Variants in WDR27 observed in about 807,000 individuals in gnomAD.
WDR27 encodes the protein WD repeat-containing protein 27.
In WDR27, 100 loss-of-function variants were observed where a neutral mutation model predicts 114.4. The ratio of observed to expected loss-of-function variants is 0.87; its 90% CI spans 0.74 to 1.03. WDR27 has a LOEUF of 1.03. Ranked by LOEUF, WDR27 falls within the 50% of genes least tolerant of loss-of-function variation. The pLI is 0.00. For missense variants in WDR27, 1,129 were observed against 1,092.9 expected, an observed-to-expected ratio of 1.03 and a Z score of -0.47; for synonymous variants, 449 against 423.1, an observed-to-expected ratio of 1.06 and a Z score of -0.75.
chr6:169,582,421 T>A (rs1163194461), intron 24 of WDR27, among the ~76,000 whole-genome samples: 1 of 152,216 alleles, frequency 6.6e-6, no homozygotes, highest in Non-Finnish European at 1.5e-5. Context: ...GCAGACTTTT[T>A]TCCATAAGAA....
chr6:169,590,854 G>C lies in WDR27; in HGVS notation c.2425-7920C>G, dbSNP rs114320620. On this transcript the variant is annotated intron_variant, in intron 23 of 25. Transcript: ENST00000448612. Reference sequence around the variant, plus strand: ...GGCCTGGGATAATATGCCATTCTGTGTCTACGCTCCATGTTCCTTATCCAT... The same window carrying C: ...GGCCTGGGATAATATGCCATTCTGTCTCTACGCTCCATGTTCCTTATCCAT... Among the ~76,000 whole-genome samples, 905 of 152,290 alleles carry C rather than the reference G, an allele frequency of 5.9e-3. 9 individuals are homozygous for C. The highest frequency in any genetic ancestry group is 0.02 in the African/African-American group (846 of 41,542).
intron 25 of WDR27, among the ~76,000 whole-genome samples, chr6:169,562,217 G>A (rs73790007): frequency 0.016 from 2,497 of 152,210 alleles, 62 homozygotes; most frequent in African/African-American, 0.057. Context: ...CGGGTACTGC[G>A]CCGCCAACAG....
intron 18 of WDR27, among the ~76,000 whole-genome samples, chr6:169,637,411 T>G (rs1455262147): frequency 6.6e-6 from 1 of 152,274 alleles, no homozygotes; most frequent in Non-Finnish European, 1.5e-5. Context: ...CATATGAATG[T>G]ATGCATGCAT....
In WDR27 at chr6:169,542,501, A is replaced by C. The variant is rs188643534; in HGVS notation, c.2645+29918T>G. On this transcript the variant is annotated intron_variant, in intron 25 of 25. Coordinates refer to ENST00000448612, the MANE Select transcript of WDR27 (RefSeq NM_182552.5). ...GGTCAAGAAAGACAGAAAGGCTTAG[A>C]ATTTATTCCAAGAGACTAAGACAAA... is the stretch of plus-strand genomic sequence containing the variant. 8.5e-4 allele frequency among the ~76,000 whole-genome samples: 130 copies of C among 152,292 alleles called. 1 individual carries two copies. The highest frequency in any genetic ancestry group is 2.9e-3 in the African/African-American group (119 of 41,580).
At chr6:169,452,345 C>T (rs1784183698), downstream of WDR27, among the ~76,000 whole-genome samples, 1 of 152,206 alleles carries the variant, frequency 6.6e-6, no homozygotes, top group South Asian at 2.1e-4. Context: ...TGGAAACGTC[C>T]GTGTTTTCTT....
chr6:169,510,551 T>C (rs140749251), intron 25 of WDR27, among the ~76,000 whole-genome samples: 2,664 of 147,536 alleles, frequency 0.018, 67 homozygotes, highest in African/African-American at 0.059. Flanking sequence ...AAACACCGCA[T>C]GTTCTCACCC....
intron 25 of WDR27, among the ~76,000 whole-genome samples, chr6:169,504,528 T>C (rs1194596389): frequency 6.6e-6 from 1 of 152,220 alleles, no homozygotes; most frequent in Non-Finnish European, 1.5e-5. Context: ...GTGAGTCAAT[T>C]AAACCTCTTT....
intron 22 of WDR27, among the ~76,000 whole-genome samples, chr6:169,606,861 T>C (rs1422600719): frequency 6.6e-6 from 1 of 152,202 alleles, no homozygotes; most frequent in African/African-American, 2.4e-5. Context: ...ATGATATTTC[T>C]GGTTCTAGGC....
chr6:169,662,172 G>T, intron 9 of WDR27, 132 bp downstream of exon 9: 1 of 913,522 alleles, frequency 1.1e-6, no homozygotes, highest in South Asian at 1.8e-5. Context: ...TCCCAAGAAT[G>T]AAGTTACTAA....
chr6:169,433,045 G>A, the WDR27 span, among the ~76,000 whole-genome samples: 2 of 152,302 alleles, frequency 1.3e-5, no homozygotes, highest in East Asian at 3.9e-4. Context: ...GTTGAGAACT[G>A]GAGTAAAGGT....
At chr6:169,640,100 G>A (rs566663450) in intron 17 of WDR27, among the ~76,000 whole-genome samples, 112 of 152,220 alleles carry the variant, frequency 7.4e-4, no homozygotes, top group Non-Finnish European at 1.2e-3. Context: ...GCTTCCTGAC[G>A]ACAAATGACC....
chr6:169,581,742 C>T lies in WDR27; in HGVS notation c.2523+1094G>A, dbSNP rs145316577. 9.6e-3 allele frequency among the ~76,000 whole-genome samples: 1,464 copies of T among 152,328 alleles called. 16 individuals carry two copies. Among genetic ancestry groups the T allele is most frequent in the Non-Finnish European group, 0.01 (703 of 68,034 alleles). On this transcript the variant is annotated intron_variant, in intron 24 of 25. Coordinates refer to ENST00000448612, the MANE Select transcript of WDR27 (RefSeq NM_182552.5). ...ATATTCAATATTATTCAATATACAG[C>T]GGTAGTACCGCGTGTGCCAGGCACG...
intron 17 of WDR27, among the ~76,000 whole-genome samples, chr6:169,642,309 C>CG (rs2128228972): frequency 6.6e-6 from 1 of 151,962 alleles, no homozygotes; most frequent in African/African-American, 2.4e-5. Context: ...CCTTCCCCCC[C>CG]GCCCACAGAA....
At chr6:169,429,963 G>A in the WDR27 span, among the ~76,000 whole-genome samples, 1 of 152,212 alleles carries the variant, frequency 6.6e-6, no homozygotes, top group South Asian at 2.1e-4. Context: ...TTCCAGATGA[G>A]TGATTTCCCT....
At chr6:169,502,483 G>A (rs1583821196) in intron 25 of WDR27, among the ~76,000 whole-genome samples, 2 of 152,238 alleles carry the variant, frequency 1.3e-5, no homozygotes, top group African/African-American at 4.8e-5. Flanking sequence ...CGGGTCTGTA[G>A]GTCGTAAGTC....
At chr6:169,455,302 G>A (rs529558456), downstream of WDR27, among the ~76,000 whole-genome samples, 2 of 152,258 alleles carry the variant, frequency 1.3e-5, no homozygotes, top group South Asian at 4.2e-4. Flanking sequence ...GTGAGGCTAA[G>A]AATAACAACA....
intron 22 of WDR27, among the ~76,000 whole-genome samples, chr6:169,609,739 T>C (rs1015908559): frequency 6.6e-6 from 1 of 152,254 alleles, no homozygotes; most frequent in Non-Finnish European, 1.5e-5. Flanking sequence ...CTCCTCAGTA[T>C]GTATGCAAAT....
intron 21 of WDR27, among the ~76,000 whole-genome samples, chr6:169,624,059 C>T (rs1183790112): frequency 6.6e-6 from 1 of 151,620 alleles, no homozygotes; most frequent in African/African-American, 2.4e-5. Context: ...GTCAGGTGTG[C>T]CGTGTGTGGG....
Position 169,660,744 on chromosome 6 carries a change from A to T in WDR27, c.1048T>A (p.Cys350Ser), listed in dbSNP as rs375032783. Residue 350 changes from cysteine (C) to serine (S), a missense_variant, in exon 10 of 26, where the codon TGT becomes AGT. By Grantham distance (112) the Cys-to-Ser change is moderately radical (BLOSUM62 -1). Transcript: ENST00000448612. ...CGCLSSENTRCVWIGSSVGLF... is the reference protein window; with the variant it reads ...CGCLSSENTRSVWIGSSVGLF... ...CCCACTGAGCTTCCGATCCACACAC[A>T]TCGGGTGTTCTCAGAAGAAAGACTG... 1 of 1,613,672 alleles carries T rather than the reference A, an allele frequency of 6.2e-7. No individual in the cohort carries two copies. The highest frequency in any genetic ancestry group is 8.5e-7 in the Non-Finnish European group (1 of 1,179,816).
Sources: allele counts gnomAD v4.1 joint callset (sites outside exome capture counted in the v4.1 genomes callset), GRCh38; gene constraint gnomAD v4.1.1; transcripts MANE v1.5; gene names NCBI Gene and HGNC (gene_info 2026-07-23, HGNC 2026-07-21).